The following RMI2 variants were observed in gnomAD, a reference collection of about 807,000 sequenced individuals.
RMI2 encodes recQ-mediated genome instability protein 2.
In RMI2, 11 loss-of-function variants were observed where a neutral mutation model predicts 8.4. The observed-to-expected ratio is 1.32, with a 90% confidence interval of 0.83 to 2.18. The LOEUF is 2.18. Ranked by LOEUF, RMI2 falls within the 30% of genes most tolerant of loss-of-function variation. The probability of loss-of-function intolerance (pLI) is 0.00; values close to 1 mark genes in which losing one functional copy is unlikely to be tolerated. For synonymous variants in RMI2, 105 were observed against 93.8 expected (o/e 1.12, Z -0.69); for missense variants, 253 against 207.5 (o/e 1.22, Z -1.35).
At chr16:11,348,512 A>T (rs921132356) in intron 1 of RMI2, 2 of 152,252 alleles carry the variant, frequency 1.3e-5, no homozygotes, top group East Asian at 3.8e-4. Context: ...GGGCCATGTC[A>T]TTTCTTCTTG....
Position 11,350,667 on chromosome 16 carries a change from G to A in RMI2, c.321G>A (p.Val107=), listed in dbSNP as rs1226723383. 5.7e-6 allele frequency: 9 copies of A among 1,592,744 alleles called. No homozygotes were observed. Among genetic ancestry groups the A allele is most frequent in the Non-Finnish European group, 7.7e-6 (9 of 1,173,338 alleles). Residue 107 remains valine (V), a synonymous_variant, in exon 2 of 2, where the codon GTG becomes GTA. Transcript: ENST00000312499. ...VPGKYVMVMG[V]VQACSPEPCL... ...GAAAGTATGTGATGGTGATGGGAGT[G>A]GTTCAGGCCTGCAGCCCTGAGCCCT...
rs2070969736 is a variant in RMI2 at position 11,351,331 on chromosome 16, C to T, written c.*541C>T. 1 of 232,614 alleles carries T rather than the reference C, an allele frequency of 4.3e-6. No individual in the cohort carries two copies. 14.4% of individuals were successfully genotyped at this position (232,614 alleles called of 1,614,324 possible). ...CATTTCCTAACGGCAGGCATGGCGG[C>T]CCCTGAAAGACAACAGCTCCCTTTC... On this transcript the variant is annotated 3_prime_UTR_variant, in exon 2 of 2. Coordinates refer to ENST00000312499, the MANE Select transcript of RMI2 (RefSeq NM_152308.3).
Position 11,345,701 on chromosome 16 carries a change from C to T in RMI2, c.230C>T (p.Pro77Leu). The change falls in exon 1 of 2, where the codon CCG becomes CTG. Residue 77 changes from proline to leucine, a missense_variant. Pro to Leu is a moderately conservative substitution (Grantham distance 98, BLOSUM62 -3). Transcript: ENST00000312499. Reference sequence around the variant, plus strand: ...CGCGGCGAGGCTCGGCTGAGGGACCCGAGCGGGGACTTCTCGGTCCGCGGC... The same window carrying T: ...CGCGGCGAGGCTCGGCTGAGGGACCTGAGCGGGGACTTCTCGGTCCGCGGC... The part of the protein sequence containing the change: ...ADRGEARLRD[P>L]SGDFSVRGLE... The T allele has an allele frequency of 7.9e-7, 1 of 1,263,012 alleles. No homozygotes were observed. The highest frequency in any genetic ancestry group is 9.9e-7 in the Non-Finnish European group (1 of 1,005,942). The allele number at this position is 1,263,012 out of a possible 1,614,324, so 78.2% of individuals were successfully genotyped here.
At position 11,345,506 on chromosome 16, in the gene RMI2, CCG is replaced by C; in HGVS notation, c.38_39del (p.Ala13GlyfsTer101). ...GCTGCGGACTCGTTCTCAGGCGGCC[CCG>C]CGGGGGTGCGGCTTCCGAGGTCGCC... On this transcript the variant is annotated frameshift_variant, in exon 1 of 2. Coordinates refer to ENST00000312499, the MANE Select transcript of RMI2 (RefSeq NM_152308.3). LOFTEE classifies it high-confidence loss of function. 1 of 1,309,212 alleles carries C rather than the reference CCG, an allele frequency of 7.6e-7. No individual in the cohort carries two copies. 81.1% of individuals were successfully genotyped at this position (1,309,212 alleles called of 1,614,324 possible).
At position 11,350,925 on chromosome 16, in the gene RMI2, A is replaced by C; in HGVS notation, c.*135A>C. The C allele has an allele frequency of 1.5e-6, 1 of 677,756 alleles. No individual in the cohort carries two copies. Among genetic ancestry groups the C allele is most frequent in the Non-Finnish European group, 2.4e-6 (1 of 423,408 alleles). 42.0% of individuals were successfully genotyped at this position (677,756 alleles called of 1,614,324 possible). A position where few individuals can be genotyped will look rare whatever the true frequency, so the allele number is the denominator to read the frequency against. Reference sequence around the variant, plus strand: ...TCAGAGAGCCTTGCTTTGGTTGACCAAGGAGTCCGGATGTAGGAATGTTTA... The same window carrying C: ...TCAGAGAGCCTTGCTTTGGTTGACCCAGGAGTCCGGATGTAGGAATGTTTA... On this transcript the variant is annotated 3_prime_UTR_variant, in exon 2 of 2. Coordinates refer to ENST00000312499, the MANE Select transcript of RMI2 (RefSeq NM_152308.3).
At position 11,345,757 on chromosome 16, in the gene RMI2, C is replaced by G; in HGVS notation, c.286C>G (p.Leu96Val). 1 of 1,238,932 alleles carries G rather than the reference C, an allele frequency of 8.1e-7. No homozygotes were observed. Among genetic ancestry groups the G allele is most frequent in the Non-Finnish European group, 1.0e-6 (1 of 991,694 alleles). 76.7% of individuals were successfully genotyped at this position (1,238,932 alleles called of 1,614,324 possible). A position where few individuals can be genotyped will look rare whatever the true frequency, so the allele number is the denominator to read the frequency against. ...LERVPRGRPCLVPGKYVMVMG... is the reference protein window; with the variant it reads ...LERVPRGRPCVVPGKYVMVMG... Reference sequence around the variant, plus strand: ...GCGGGTGCCGCGCGGGCGGCCCTGTCTAGTCCCAGGTAATGCCCGGGCCTT... The same window carrying G: ...GCGGGTGCCGCGCGGGCGGCCCTGTGTAGTCCCAGGTAATGCCCGGGCCTT... Residue 96 changes from leucine to valine, a missense_variant, in exon 1 of 2, where the codon CTA (leucine) becomes GTA (valine). Physicochemically the swap from Leu to Val is conservative, Grantham distance 32. Transcript: ENST00000312499.
chr16:11,346,982 C>T (rs1222043352), intron 1 of RMI2, among the ~76,000 whole-genome samples: 2 of 152,232 alleles, frequency 1.3e-5, no homozygotes, highest in African/African-American at 4.8e-5. Context: ...CAGCATCTGG[C>T]CCAGTTCCTG....
intron 1 of RMI2, among the ~76,000 whole-genome samples, chr16:11,350,332 T>C (rs1176293375): frequency 6.6e-6 from 1 of 152,202 alleles, no homozygotes; most frequent in African/African-American, 2.4e-5. Flanking sequence ...GGCTCATGCC[T>C]ATAATCCCAG....
At chr16:11,350,102 A>G (rs972513283) in intron 1 of RMI2, among the ~76,000 whole-genome samples, 1 of 152,162 alleles carries the variant, frequency 6.6e-6, no homozygotes, top group African/African-American at 2.4e-5. Context: ...CAGAAAGAGG[A>G]TGTGTCCTGT....
At position 11,350,911 on chromosome 16, in the gene RMI2, T is replaced by C; in HGVS notation, c.*121T>C. 1.2e-6 allele frequency: 1 copy of C among 835,212 alleles called. No homozygotes were observed. Among genetic ancestry groups the C allele is most frequent in the South Asian group, 2.0e-5 (1 of 50,234 alleles). The allele number at this position is 835,212 out of a possible 1,614,324, so 51.7% of individuals were successfully genotyped here. On this transcript the variant is annotated 3_prime_UTR_variant, in exon 2 of 2. Coordinates refer to ENST00000312499, the MANE Select transcript of RMI2 (RefSeq NM_152308.3). ...TTTTCAAATGCTTCTCAGAGAGCCT[T>C]GCTTTGGTTGACCAAGGAGTCCGGA... is the stretch of plus-strand genomic sequence containing the variant.
chr16:11,349,300 T>G lies in RMI2; in HGVS notation c.296-1342T>G, dbSNP rs2070929959. On this transcript the variant is annotated intron_variant, in intron 1 of 1. Coordinates refer to ENST00000312499, the MANE Select transcript of RMI2 (RefSeq NM_152308.3). The surrounding 1 kb of genome is among the most constrained non-coding windows in gnomAD (Gnocchi z 4.2). ...AGATGGGCTGGAGCCATTGGAATGG[T>G]CATGGCAACCGCGGGGTGGGGATGC... 1 of 152,454 alleles carries G rather than the reference T, an allele frequency of 6.6e-6. No homozygotes were observed. 9.4% of individuals were successfully genotyped at this position (152,454 alleles called of 1,614,324 possible). A position where few individuals can be genotyped will look rare whatever the true frequency, so the allele number is the denominator to read the frequency against.
intron 1 of RMI2, among the ~76,000 whole-genome samples, chr16:11,346,777 A>T (rs11074962): frequency 0.16 from 23,689 of 152,084 alleles, 2,447 homozygotes; most frequent in Admixed American, 0.35. Context: ...TGTTTTATTT[A>T]TTTGAGATAG....
intron 1 of RMI2, among the ~76,000 whole-genome samples, chr16:11,346,580 C>G (rs1054078201): frequency 6.6e-6 from 1 of 152,102 alleles, no homozygotes; most frequent in Non-Finnish European, 1.5e-5. Context: ...TCTTAAACCA[C>G]TGATGCTCAA....
Position 11,345,481 on chromosome 16 carries a change from G to C in RMI2, c.10G>C (p.Ala4Pro), listed in dbSNP as rs2070846499. Reference sequence around the variant, plus strand: ...GGTGCGGCGAGGCGGAATGGCGGCGGCTGCGGACTCGTTCTCAGGCGGCCC... The same window carrying C: ...GGTGCGGCGAGGCGGAATGGCGGCGCCTGCGGACTCGTTCTCAGGCGGCCC... MAA[A>P]ADSFSGGPAG... Residue 4 changes from alanine (A) to proline (P), a missense_variant, in exon 1 of 2, where the codon GCT (alanine) becomes CCT (proline). Physicochemically the swap from Ala to Pro is conservative, Grantham distance 27. Transcript: ENST00000312499. 3.8e-6 allele frequency: 5 copies of C among 1,313,502 alleles called. No homozygotes were observed. Among genetic ancestry groups the C allele is most frequent in the East Asian group, 6.2e-5 (2 of 32,152 alleles). 81.4% of individuals were successfully genotyped at this position (1,313,502 alleles called of 1,614,324 possible).
At position 11,349,297 on chromosome 16, in the gene RMI2, T is replaced by C. The variant is rs2070929823; in HGVS notation, c.296-1345T>C. On this transcript the variant is annotated intron_variant, in intron 1 of 1. Coordinates refer to ENST00000312499, the MANE Select transcript of RMI2 (RefSeq NM_152308.3). This position sits in a 1 kb window ranked among gnomAD's most constrained non-coding sequence, Gnocchi z 4.2. ...AGGAGATGGGCTGGAGCCATTGGAA[T>C]GGTCATGGCAACCGCGGGGTGGGGA... 1 of 152,490 alleles carries C rather than the reference T, an allele frequency of 6.6e-6. No homozygotes were observed. The highest frequency in any genetic ancestry group is 2.4e-5 in the African/African-American group (1 of 41,432). The allele number at this position is 152,490 out of a possible 1,614,324, so 9.4% of individuals were successfully genotyped here. A position where few individuals can be genotyped will look rare whatever the true frequency, so the allele number is the denominator to read the frequency against.
intron 1 of RMI2, among the ~76,000 whole-genome samples, chr16:11,346,930 T>C (rs1157282744): frequency 6.6e-6 from 1 of 152,194 alleles, no homozygotes; most frequent in Non-Finnish European, 1.5e-5. Context: ...CAGCCCAAGC[T>C]ACTGGAGGGC....
In RMI2 at chr16:11,351,268, C is replaced by G. The variant is rs959428258; in HGVS notation, c.*478C>G. Reference sequence around the variant, plus strand: ...TGACATCCTGGCTCCTCATCTTCTTCATCAGCAACTACCATAACCAGTTTG... The same window carrying G: ...TGACATCCTGGCTCCTCATCTTCTTGATCAGCAACTACCATAACCAGTTTG... On this transcript the variant is annotated 3_prime_UTR_variant, in exon 2 of 2. Transcript: ENST00000312499. The G allele has an allele frequency of 4.3e-6, 1 of 233,302 alleles. No homozygotes were observed. Among genetic ancestry groups the G allele is most frequent in the Non-Finnish European group, 8.5e-6 (1 of 118,152 alleles). 14.5% of individuals were successfully genotyped at this position (233,302 alleles called of 1,614,324 possible).
At position 11,350,880 on chromosome 16, in the gene RMI2, G is replaced by A. The variant is rs1240294877; in HGVS notation, c.*90G>A. 8.9e-7 allele frequency: 1 copy of A among 1,127,906 alleles called. No individual in the cohort carries two copies. 69.9% of individuals were successfully genotyped at this position (1,127,906 alleles called of 1,614,324 possible). On this transcript the variant is annotated 3_prime_UTR_variant, in exon 2 of 2. Transcript: ENST00000312499. ...GTGGATTTCATGGACACTTTTCAAT[G>A]CGTATTTTTCAAATGCTTCTCAGAG...
In RMI2 at chr16:11,345,598, C is replaced by G; in HGVS notation, c.127C>G (p.Leu43Val). ...GGAGGGCGGCCCGGGCGCGTGGCGG[C>G]TGTCACGGGCGGCGGCGGGCCGCGG... ...DAEGGPGAWRLSRAAAGRGPL... is the reference protein window; with the variant it reads ...DAEGGPGAWRVSRAAAGRGPL... Residue 43 changes from leucine (L) to valine (V), a missense_variant, in exon 1 of 2, where the codon CTG becomes GTG. Physicochemically the swap from Leu to Val is conservative, Grantham distance 32 (BLOSUM62 1). Transcript: ENST00000312499. 1 of 1,223,654 alleles carries G rather than the reference C, an allele frequency of 8.2e-7. No homozygotes were observed. The highest frequency in any genetic ancestry group is 3.2e-4 in the Middle Eastern group (1 of 3,162). 75.8% of individuals were successfully genotyped at this position (1,223,654 alleles called of 1,614,324 possible). A position where few individuals can be genotyped will look rare whatever the true frequency, so the allele number is the denominator to read the frequency against.
Sources: allele counts gnomAD v4.1 joint callset (sites outside exome capture counted in the v4.1 genomes callset), GRCh38; gene constraint gnomAD v4.1.1; non-coding constraint Gnocchi (gnomAD v3.1); transcripts MANE v1.5; gene names NCBI Gene and HGNC (gene_info 2026-07-23, HGNC 2026-07-21).